RFFL: variants seen among roughly 807,000 people sequenced by gnomAD.
The protein encoded by RFFL is E3 ubiquitin-protein ligase rififylin.
In RFFL, 16 loss-of-function variants were observed where a neutral mutation model predicts 40.4. The ratio of observed to expected loss-of-function variants is 0.40; its 90% confidence interval spans 0.27 to 0.60. The LOEUF (loss-of-function observed/expected upper bound fraction) is 0.60, where lower values mean the gene tolerates loss of function less well. Among genes scored for constraint, RFFL ranks in the 20% least tolerant of loss-of-function variants. The pLI is 0.47. For synonymous variants in RFFL, 154 were observed against 167.9 expected, an observed-to-expected ratio of 0.92 and a Z score of 0.64; for missense variants, 367 against 451.7, an observed-to-expected ratio of 0.81 and a Z score of 1.70.
chr17:35,021,261 A>T (rs1044574764), intron 3 of RFFL, 110 bp downstream of exon 3: 1 of 1,122,156 alleles, frequency 8.9e-7, no homozygotes, highest in African/African-American at 1.6e-5. Context: ...GCTTCACATA[A>T]TCAAGACACT....
At chr17:35,042,544 G>A (rs377199673) in intron 1 of RFFL, among the ~76,000 whole-genome samples, 4 of 152,132 alleles carry the variant, frequency 2.6e-5, no homozygotes, top group South Asian at 4.1e-4. Flanking sequence ...TTCGGTGGCC[G>A]GGCGCAGTGG....
chr17:35,044,876 A>T (rs902963643), intron 1 of RFFL, among the ~76,000 whole-genome samples: 4 of 146,730 alleles, frequency 2.7e-5, no homozygotes, highest in East Asian at 2.0e-4. Context: ...CTCTCATAAC[A>T]TTTTTTTTTT....
intron 1 of RFFL, among the ~76,000 whole-genome samples, chr17:35,079,021 C>T (rs1023661498): frequency 9.3e-5 from 14 of 151,322 alleles, no homozygotes; most frequent in African/African-American, 2.9e-4. Flanking sequence ...GGAAGACCAA[C>T]GGTATATCAA....
chr17:35,020,843 A>G (rs1381906833), intron 3 of RFFL, among the ~76,000 whole-genome samples: 11 of 152,210 alleles, frequency 7.2e-5, no homozygotes, highest in Admixed American at 6.5e-4. Context: ...AAGAAGCAGC[A>G]TGCAAGTACA....
chr17:35,069,103 T>G (rs1158706487), intron 1 of RFFL, among the ~76,000 whole-genome samples: 1 of 152,144 alleles, frequency 6.6e-6, no homozygotes, highest in East Asian at 1.9e-4. Context: ...GAAAAAAGAT[T>G]CTGTAATTCA....
Position 35,021,687 on chromosome 17 carries a change from C to T in RFFL, c.275G>A (p.Arg92Gln), listed in dbSNP as rs372078877. 5.8e-5 allele frequency: 94 copies of T among 1,614,074 alleles called. No individual in the cohort carries two copies. Among genetic ancestry groups the T allele is most frequent in the Non-Finnish European group, 7.5e-5 (88 of 1,180,048 alleles). ...PRLCLLCQRF[R>Q]ATAFQREELM... is the part of the protein sequence containing the mutation. ...CTCCTCTCGCTGAAAGGCTGTAGCT[C>T]GAAACCGTTGGCAGAGAAGGCAGAG... Residue 92 changes from arginine (R) to glutamine (Q), a missense_variant, in exon 3 of 7, where the codon CGA becomes CAA. By Grantham distance (43) the Arg-to-Gln change is conservative (BLOSUM62 1). Transcript: ENST00000394597.
intron 1 of RFFL, among the ~76,000 whole-genome samples, chr17:35,087,731 TAAG>T (rs1455713001): frequency 6.6e-6 from 1 of 152,216 alleles, no homozygotes; most frequent in Non-Finnish European, 1.5e-5. Context: ...TTTTCAAACT[TAAG>T]AATACCTCTA....
intron 2 of RFFL, among the ~76,000 whole-genome samples, chr17:35,022,849 C>T (rs976694000): frequency 6.6e-6 from 1 of 152,218 alleles, no homozygotes; most frequent in Non-Finnish European, 1.5e-5. Context: ...AGGGTACTCT[C>T]GTTCCTGAAA....
chr17:35,034,821 C>T (rs1005589053), intron 1 of RFFL, among the ~76,000 whole-genome samples: 3 of 152,182 alleles, frequency 2.0e-5, no homozygotes, highest in East Asian at 3.9e-4. Context: ...CTGCCACGCC[C>T]AGCAAAAATC....
At chr17:35,080,267 C>T (rs190967157) in intron 1 of RFFL, among the ~76,000 whole-genome samples, 23 of 152,232 alleles carry the variant, frequency 1.5e-4, no homozygotes, top group Admixed American at 1.0e-3. Flanking sequence ...CATCTACTGA[C>T]GCAAGACCTA....
chr17:35,052,110 A>G (rs2091235018), intron 1 of RFFL, among the ~76,000 whole-genome samples: 1 of 152,204 alleles, frequency 6.6e-6, no homozygotes, highest in South Asian at 2.1e-4. Context: ...AGGATTCAAT[A>G]TTAACGGTTA....
At chr17:35,014,959 G>C (rs889452324) in intron 5 of RFFL, among the ~76,000 whole-genome samples, 196 bp from the exon 6 acceptor site, 2 of 152,060 alleles carry the variant, frequency 1.3e-5, no homozygotes, top group Non-Finnish European at 2.9e-5. Flanking sequence ...TCGTGCATCT[G>C]GTCTACTTTT....
intron 1 of RFFL, among the ~76,000 whole-genome samples, chr17:35,061,068 G>A (rs1237523064): frequency 2.0e-5 from 3 of 152,260 alleles, no homozygotes; most frequent in Admixed American, 2.0e-4. Context: ...CTGGAGAGGA[G>A]AGAAATGGCC....
rs757096578 is a variant in RFFL at position 35,017,615 on chromosome 17, A to G, written c.592-9T>C. The stretch of plus-strand genomic sequence containing the variant: ...GACACATGGCCATTGGCCTGTGGGA[A>G]GAGAAAAGTAACATCACATCTAGAG... On this transcript the variant is annotated splice_polypyrimidine_tract_variant and intron_variant, in intron 3 of 6. Transcript: ENST00000394597. 3.1e-5 allele frequency: 49 copies of G among 1,590,378 alleles called. 1 individual carries two copies. The highest frequency in any genetic ancestry group is 6.8e-5 in the Admixed American group (4 of 59,080).
At chr17:35,022,035 G>T (rs1237124578) in intron 2 of RFFL, among the ~76,000 whole-genome samples, 1 of 152,158 alleles carries the variant, frequency 6.6e-6, no homozygotes, top group Non-Finnish European at 1.5e-5. Context: ...TTAATTTGAG[G>T]CTTACTTTAT....
At chr17:35,071,345 C>T (rs752650352) in intron 1 of RFFL, among the ~76,000 whole-genome samples, 2 of 152,070 alleles carry the variant, frequency 1.3e-5, no homozygotes, top group South Asian at 2.1e-4. Context: ...TGGCCCGGTG[C>T]GGTGGCTCAC....
intron 1 of RFFL, among the ~76,000 whole-genome samples, chr17:35,060,605 T>C (rs1319091773): frequency 6.6e-6 from 1 of 152,206 alleles, no homozygotes; most frequent in Non-Finnish European, 1.5e-5. Flanking sequence ...TGTCGTGATA[T>C]TGCGGGACTA....
chr17:35,028,762 T>A (rs1226509664), intron 1 of RFFL, among the ~76,000 whole-genome samples: 1 of 152,018 alleles, frequency 6.6e-6, no homozygotes, highest in Non-Finnish European at 1.5e-5. Flanking sequence ...GAAAAAAGAA[T>A]GAGAACCAGC....
In RFFL at chr17:35,024,271, G is replaced by A. The variant is rs1422211414; in HGVS notation, c.180+2103C>T. ...CTGGAATATGGGAAGTATTACATGAGAGAATGTATATAAAACCTTAGCACA... is the reference window on the plus strand; with the variant it reads ...CTGGAATATGGGAAGTATTACATGAAAGAATGTATATAAAACCTTAGCACA... On this transcript the variant is annotated intron_variant, in intron 2 of 6. Coordinates refer to ENST00000394597, the MANE Select transcript of RFFL (RefSeq NM_001017368.2). 2.6e-5 allele frequency among the ~76,000 whole-genome samples: 4 copies of A among 152,128 alleles called. No homozygotes were observed. In the South Asian group the frequency reaches 6.2e-4, roughly 24 times the overall value.
Sources: gnomAD v4.1 joint callset for allele counts (sites outside exome capture counted in the v4.1 genomes callset) on GRCh38, gnomAD v4.1.1 for gene constraint, MANE v1.5 for transcripts, NCBI Gene and HGNC (gene_info 2026-07-23, HGNC 2026-07-21) for gene names.